The following CYP39A1 variants were observed in gnomAD, a reference collection of about 807,000 sequenced individuals.
CYP39A1 encodes the protein 24-hydroxycholesterol 7-alpha-hydroxylase.
In CYP39A1, 49 loss-of-function variants were observed where a neutral mutation model predicts 58.1. That is an observed-to-expected ratio of 0.84 (90% CI 0.67 to 1.07). The LOEUF is 1.07. Ranked by LOEUF, CYP39A1 falls within the 50% of genes least tolerant of loss-of-function variation. The probability of loss-of-function intolerance (pLI) is 0.00; values close to 1 mark genes in which losing one functional copy is unlikely to be tolerated. For synonymous variants in CYP39A1, 209 were observed against 187.6 expected, an observed-to-expected ratio of 1.11 and a Z score of -0.93; for missense variants, 531 against 539.4, an observed-to-expected ratio of 0.98 and a Z score of 0.16.
At chr6:46,596,726 G>T (rs542933593) in intron 7 of CYP39A1, among the ~76,000 whole-genome samples, 1 of 151,996 alleles carries the variant, frequency 6.6e-6, no homozygotes, top group African/African-American at 2.4e-5. Flanking sequence ...TAGACTGAAA[G>T]CACCTGAAAA....
At chr6:46,649,452 A>C (rs1404764020) in intron 1 of CYP39A1, among the ~76,000 whole-genome samples, 2 of 152,244 alleles carry the variant, frequency 1.3e-5, no homozygotes, top group African/African-American at 4.8e-5. Context: ...AGATCATTGC[A>C]GGTTATCTTA....
At chr6:46,591,153 A>T (rs2150516594) in intron 8 of CYP39A1, among the ~76,000 whole-genome samples, 1 of 152,222 alleles carries the variant, frequency 6.6e-6, no homozygotes, top group Non-Finnish European at 1.5e-5. Flanking sequence ...TTTATCTGTA[A>T]TCTAACATTT....
At chr6:46,617,128 T>C (rs971960619) in intron 7 of CYP39A1, among the ~76,000 whole-genome samples, 3 of 152,144 alleles carry the variant, frequency 2.0e-5, no homozygotes, top group African/African-American at 7.2e-5. Flanking sequence ...TTAATTTCTT[T>C]GGGTAATTCT....
chr6:46,643,369 G>T (rs184073048), intron 1 of CYP39A1, among the ~76,000 whole-genome samples: 1 of 152,270 alleles, frequency 6.6e-6, no homozygotes, highest in East Asian at 1.9e-4. Flanking sequence ...CCCAAGAGAT[G>T]ACACATGATT....
chr6:46,629,223 C>A (rs1775504090), intron 6 of CYP39A1, among the ~76,000 whole-genome samples: 1 of 152,160 alleles, frequency 6.6e-6, no homozygotes, highest in African/African-American at 2.4e-5. Context: ...CCTTTCAGAC[C>A]AGCGCCAAGA....
At chr6:46,646,983 C>T (rs924381446) in intron 1 of CYP39A1, among the ~76,000 whole-genome samples, 1 of 151,806 alleles carries the variant, frequency 6.6e-6, no homozygotes, top group African/African-American at 2.4e-5. Flanking sequence ...TCTCAAAAAA[C>T]CAGTTCTTTC....
intron 7 of CYP39A1, among the ~76,000 whole-genome samples, chr6:46,609,760 T>A (rs1415989856): frequency 1.3e-5 from 2 of 152,198 alleles, no homozygotes; most frequent in Non-Finnish European, 2.9e-5. Flanking sequence ...AAAAATTCAA[T>A]ATAAAAATCA....
chr6:46,549,772 G>A lies in CYP39A1; in HGVS notation c.*594C>T, dbSNP rs1290143684. ...GGTGCAATCCTGAGCATAATAAAGT[G>A]TAGAAATGAATGTAAGACACCATTC... On this transcript the variant is annotated 3_prime_UTR_variant, in exon 12 of 12. Coordinates refer to ENST00000275016, the MANE Select transcript of CYP39A1 (RefSeq NM_016593.5). 6.6e-6 allele frequency: 1 copy of A among 152,146 alleles called. No homozygotes were observed. Among genetic ancestry groups the A allele is most frequent in the African/African-American group, 2.4e-5 (1 of 41,448 alleles). 9.4% of individuals were successfully genotyped at this position (152,146 alleles called of 1,614,324 possible).
At chr6:46,645,445 T>G (rs2150605147) in intron 1 of CYP39A1, among the ~76,000 whole-genome samples, 1 of 152,290 alleles carries the variant, frequency 6.6e-6, no homozygotes, top group South Asian at 2.1e-4. Context: ...CATCTTTATT[T>G]CATTGAGTTG....
intron 10 of CYP39A1, among the ~76,000 whole-genome samples, chr6:46,577,329 T>TA (rs1406211055): frequency 2.6e-5 from 4 of 152,046 alleles, no homozygotes; most frequent in Non-Finnish European, 4.4e-5. Context: ...AAAACACACT[T>TA]AAGTACATAG....
Position 46,631,057 on chromosome 6 carries a change from G to T in CYP39A1, c.746C>A (p.Ala249Asp), listed in dbSNP as rs776343281. ...TTCCGTCTCTACAATATCCAGCGTA[G>T]CTTGCAATAATGTCTGTTTAAAAGA... ...AKDNSMTLLQATLDIVETETS... is the reference protein window; with the variant it reads ...AKDNSMTLLQDTLDIVETETS... The change falls in exon 6 of 12, where the codon GCT (alanine) becomes GAT (aspartate). Residue 249 changes from alanine (A) to aspartate (D), a missense_variant. By Grantham distance (126) the Ala-to-Asp change is moderately radical (BLOSUM62 -2). Coordinates refer to ENST00000275016, the MANE Select transcript of CYP39A1 (RefSeq NM_016593.5). 6.2e-6 allele frequency: 10 copies of T among 1,613,206 alleles called. No individual in the cohort carries two copies. In the Middle Eastern group the frequency reaches 1.2e-3, roughly 186 times the overall value.
intron 5 of CYP39A1, 135 bp from the exon 6 acceptor site, chr6:46,631,205 A>T (rs775253352): frequency 4.3e-6 from 3 of 694,732 alleles, no homozygotes; most frequent in Non-Finnish European, 7.4e-6. Flanking sequence ...AGTTTGAGGC[A>T]TGTGAAGGGA....
At position 46,652,609 on chromosome 6, in the gene CYP39A1, A is replaced by G. The variant is rs1404900977; in HGVS notation, c.-27T>C. On this transcript the variant is annotated 5_prime_UTR_variant, in exon 1 of 12. Transcript: ENST00000275016. ...TTTTTGTCCAGCACCTTCCAGAAGC[A>G]GAAAAGTGTGAAACAGTCCTGCCGT... The G allele has an allele frequency of 2.6e-6, 4 of 1,563,548 alleles. No individual in the cohort carries two copies. The highest frequency in any genetic ancestry group is 2.6e-6 in the Non-Finnish European group (3 of 1,155,856).
chr6:46,604,255 A>T (rs953274417), intron 7 of CYP39A1, among the ~76,000 whole-genome samples: 2 of 152,194 alleles, frequency 1.3e-5, no homozygotes, highest in Non-Finnish European at 2.9e-5. Flanking sequence ...TGTTGAATAA[A>T]AGACTGTGGC....
In CYP39A1 at chr6:46,634,802, G is replaced by A. The variant is rs371675834; in HGVS notation, c.732+1587C>T. ...CTCCCAAAGTGCTGGGATTACAGGC[G>A]TGAGCCACAGCACCCAGCCTTAGCA... is the stretch of plus-strand genomic sequence containing the variant. On this transcript the variant is annotated intron_variant, in intron 5 of 11. Transcript: ENST00000275016. Among the ~76,000 whole-genome samples the A allele has an allele frequency of 1.7e-4, 26 of 152,304 alleles. No individual in the cohort carries two copies. In the East Asian group the frequency reaches 4.4e-3, roughly 26 times the overall value.
intron 10 of CYP39A1, among the ~76,000 whole-genome samples, chr6:46,563,567 A>C (rs560472384): frequency 1.3e-5 from 2 of 152,206 alleles, no homozygotes; most frequent in Non-Finnish European, 2.9e-5. Flanking sequence ...AGCAATGCAC[A>C]TGGAGAGATG....
intron 1 of CYP39A1, among the ~76,000 whole-genome samples, chr6:46,648,033 G>A (rs934479209): frequency 2.0e-5 from 3 of 152,156 alleles, no homozygotes; most frequent in Non-Finnish European, 4.4e-5. Context: ...AGAGCATGTG[G>A]AGAAATAGGA....
At chr6:46,619,336 A>G (rs574702765) in intron 7 of CYP39A1, among the ~76,000 whole-genome samples, 8 of 152,316 alleles carry the variant, frequency 5.3e-5, no homozygotes, top group African/African-American at 1.7e-4. Context: ...TAGTTGTTGA[A>G]TAATTTTTAA....
At chr6:46,618,631 G>A (rs1774764068) in intron 7 of CYP39A1, among the ~76,000 whole-genome samples, 1 of 152,108 alleles carries the variant, frequency 6.6e-6, no homozygotes, top group Non-Finnish European at 1.5e-5. Flanking sequence ...TACTGGGCTT[G>A]AAATTACTCA....
Sources: gnomAD v4.1 joint callset for allele counts (sites outside exome capture counted in the v4.1 genomes callset) on GRCh38, gnomAD v4.1.1 for gene constraint, MANE v1.5 for transcripts, NCBI Gene and HGNC (gene_info 2026-07-23, HGNC 2026-07-21) for gene names.